Variants in ERC1 observed in about 807,000 individuals in gnomAD.
ERC1 encodes ELKS/RAB6-interacting/CAST family member 1.
In ERC1, 56 loss-of-function variants were observed where a neutral mutation model predicts 132.0. The observed-to-expected ratio is 0.42, with a 90% CI of 0.34 to 0.53. The LOEUF is 0.53. Among genes scored for constraint, ERC1 ranks in the 20% least tolerant of loss-of-function variants. The probability of loss-of-function intolerance (pLI) is 0.03; values close to 1 mark genes in which losing one functional copy is unlikely to be tolerated. For synonymous variants in ERC1, 478 were observed against 476.1 expected, an observed-to-expected ratio of 1.00 and a Z score of -0.05; for missense variants, 1,202 against 1,349.9, an observed-to-expected ratio of 0.89 and a Z score of 1.72.
At chr12:1,129,807 G>A (rs1420687913) in intron 7 of ERC1, among the ~76,000 whole-genome samples, 1 of 142,462 alleles carries the variant, frequency 7.0e-6, no homozygotes, top group African/African-American at 2.7e-5. Flanking sequence ...AAAGATGTAT[G>A]TTAGAAAGAA....
At chr12:1,244,177 T>C (rs186272797) in intron 13 of ERC1, among the ~76,000 whole-genome samples, 4 of 152,346 alleles carry the variant, frequency 2.6e-5, no homozygotes, top group Admixed American at 2.6e-4. Context: ...TGTATTATTG[T>C]TAATGAAGAC....
intron 2 of ERC1, among the ~76,000 whole-genome samples, chr12:1,051,660 A>T (rs911426272): frequency 1.3e-5 from 2 of 152,096 alleles, no homozygotes; most frequent in Non-Finnish European, 2.9e-5. Context: ...TTGAGGCTGC[A>T]GTGAGTCCTG....
chr12:1,129,493 T>C (rs1948547544), intron 7 of ERC1, among the ~76,000 whole-genome samples: 1 of 152,166 alleles, frequency 6.6e-6, no homozygotes, highest in Admixed American at 6.5e-5. Context: ...GCCACTGCAC[T>C]CCAGCTTGGG....
At chr12:1,464,064 A>G (rs560515889) in intron 18 of ERC1, among the ~76,000 whole-genome samples, 30 of 152,284 alleles carry the variant, frequency 2.0e-4, no homozygotes, top group African/African-American at 7.0e-4. Context: ...TGGGAGTGTG[A>G]GTGTAAGGGA....
chr12:1,112,992 G>A (rs1212263293), intron 6 of ERC1, among the ~76,000 whole-genome samples: 1 of 152,108 alleles, frequency 6.6e-6, no homozygotes, highest in East Asian at 1.9e-4. Context: ...AATGGATGTT[G>A]TGTCTGTGCT....
At chr12:1,465,287 A>G (rs1368551074) in intron 18 of ERC1, among the ~76,000 whole-genome samples, 12 of 152,160 alleles carry the variant, frequency 7.9e-5, no homozygotes, top group African/African-American at 2.7e-4. Flanking sequence ...TGGAAATGAC[A>G]GTCTTCCGGT....
In ERC1 at chr12:1,027,897, T is replaced by G. The variant is rs745804239; in HGVS notation, c.-7T>G. 1 of 1,590,516 alleles carries G rather than the reference T, an allele frequency of 6.3e-7. No homozygotes were observed. Among genetic ancestry groups the G allele is most frequent in the African/African-American group, 1.3e-5 (1 of 74,242 alleles). On this transcript the variant is annotated 5_prime_UTR_variant, in exon 2 of 19. Transcript: ENST00000360905. ...TTTCTGCTCACACCTTTCCTGACCT[T>G]GCAACCATGTATGGAAGTGCCCGCT...
At chr12:1,149,835 T>G (rs941346033) in intron 8 of ERC1, among the ~76,000 whole-genome samples, 3 of 152,214 alleles carry the variant, frequency 2.0e-5, no homozygotes, top group African/African-American at 7.2e-5. Context: ...AGATTGAATA[T>G]TATTATTCTT....
At chr12:1,402,090 T>C (rs1167264475) in intron 16 of ERC1, among the ~76,000 whole-genome samples, 2 of 152,090 alleles carry the variant, frequency 1.3e-5, no homozygotes, top group Non-Finnish European at 2.9e-5. Context: ...ATTTTGCAAA[T>C]TAGAAAATAA....
At chr12:1,402,779 T>C (rs928221521) in intron 16 of ERC1, among the ~76,000 whole-genome samples, 9 of 152,308 alleles carry the variant, frequency 5.9e-5, no homozygotes, top group South Asian at 2.1e-4. Flanking sequence ...GTGAGACAGA[T>C]TGTTCATGAA....
At chr12:1,014,345 T>G (rs1965173967) in intron 1 of ERC1, among the ~76,000 whole-genome samples, 1 of 151,840 alleles carries the variant, frequency 6.6e-6, no homozygotes, top group Non-Finnish European at 1.5e-5. Context: ...CTGGCTAATG[T>G]TGGTATTTTT....
chr12:1,145,059 C>G (rs978361515), intron 8 of ERC1, among the ~76,000 whole-genome samples: 1 of 151,910 alleles, frequency 6.6e-6, no homozygotes, highest in African/African-American at 2.4e-5. Flanking sequence ...TTCTGCCGCC[C>G]AGGCTGGAGT....
intron 15 of ERC1, among the ~76,000 whole-genome samples, chr12:1,358,434 T>C (rs1242848220): frequency 3.3e-5 from 5 of 152,136 alleles, no homozygotes; most frequent in African/African-American, 1.2e-4. Context: ...ATTAGGAAAG[T>C]ACATACAAAT....
chr12:1,469,354 C>T (rs1209273274), intron 18 of ERC1, among the ~76,000 whole-genome samples: 1 of 152,216 alleles, frequency 6.6e-6, no homozygotes, highest in Non-Finnish European at 1.5e-5. Context: ...GGAGCAGCCT[C>T]CACGGGCTGT....
chr12:1,473,380 G>A (rs771808067), intron 18 of ERC1, among the ~76,000 whole-genome samples: 18 of 152,134 alleles, frequency 1.2e-4, no homozygotes, highest in Non-Finnish European at 1.6e-4. Context: ...TGGGAGAGCA[G>A]TAACATCTTA....
intron 15 of ERC1, among the ~76,000 whole-genome samples, chr12:1,306,749 T>G (rs993960166): frequency 3.9e-5 from 6 of 152,168 alleles, no homozygotes; most frequent in East Asian, 1.9e-4. Context: ...GTTTTTTGTT[T>G]TTTTTAGACA....
At chr12:1,093,669 C>A (rs922837553) in intron 3 of ERC1, among the ~76,000 whole-genome samples, 1 of 151,750 alleles carries the variant, frequency 6.6e-6, no homozygotes, top group African/African-American at 2.4e-5. Flanking sequence ...GTATTTTAAT[C>A]AACAAACCGT....
chr12:1,440,113 A>G (rs12310192), intron 17 of ERC1, among the ~76,000 whole-genome samples: 9,306 of 152,170 alleles, frequency 0.061, 600 homozygotes, highest in African/African-American at 0.16. Flanking sequence ...CATCACTTCA[A>G]ACATTTATCT....
rs1213474350 is a variant in ERC1 at position 1,493,115 on chromosome 12, G to T, written c.*2885G>T. The stretch of plus-strand genomic sequence containing the variant: ...TTGTAACTGAAGAAGCCCAGTGTGA[G>T]CTTCTCATCTTTTCATATACCTCTA... On this transcript the variant is annotated 3_prime_UTR_variant, in exon 19 of 19. Coordinates refer to ENST00000360905, the MANE Select transcript of ERC1 (RefSeq NM_178040.4). The T allele has an allele frequency of 9.2e-6, 2 of 217,800 alleles. No individual in the cohort carries two copies. Among genetic ancestry groups the T allele is most frequent in the Non-Finnish European group, 1.8e-5 (2 of 108,268 alleles). The allele number at this position is 217,800 out of a possible 1,614,324, so 13.5% of individuals were successfully genotyped here.
Sources: gnomAD v4.1 joint callset for allele counts (sites outside exome capture counted in the v4.1 genomes callset) on GRCh38, gnomAD v4.1.1 for gene constraint, MANE v1.5 for transcripts, NCBI Gene and HGNC (gene_info 2026-07-23, HGNC 2026-07-21) for gene names.